Variants in CHRM3 observed in about 807,000 individuals in gnomAD.
CHRM3 encodes cholinergic receptor muscarinic 3.
In CHRM3, 11 loss-of-function variants were observed where a neutral mutation model predicts 41.8. That is an observed-to-expected ratio of 0.26 (90% CI 0.17 to 0.44). The LOEUF (loss-of-function observed/expected upper bound fraction) is 0.44, where lower values mean the gene tolerates loss of function less well. Ranked by LOEUF, CHRM3 falls within the 20% of genes least tolerant of loss-of-function variation. The pLI, the probability that CHRM3 is intolerant of heterozygous loss-of-function variation, is 1.00. For synonymous variants in CHRM3, 297 were observed against 301.4 expected (o/e 0.99, Z 0.15); for missense variants, 571 against 745.4 (o/e 0.77, Z 2.72).
At chr1:239,783,306 G>C (rs1042631744) in intron 5 of CHRM3, among the ~76,000 whole-genome samples, 3 of 151,702 alleles carry the variant, frequency 2.0e-5, no homozygotes, top group African/African-American at 4.8e-5. Context: ...CAATATTTTG[G>C]AAAATTTCTA....
chr1:239,875,238 T>G (rs1308943678), intron 6 of CHRM3, among the ~76,000 whole-genome samples: 1 of 152,182 alleles, frequency 6.6e-6, no homozygotes, highest in Non-Finnish European at 1.5e-5. Flanking sequence ...AGATGGGGGT[T>G]ACACAGAGAG....
At chr1:239,897,861 T>TA (rs1334456782) in intron 6 of CHRM3, among the ~76,000 whole-genome samples, 1 of 152,262 alleles carries the variant, frequency 6.6e-6, no homozygotes, top group African/African-American at 2.4e-5. Flanking sequence ...TTTCAGCAGC[T>TA]ACTGCTACAC....
At chr1:239,412,254 G>C (rs570045602) in intron 1 of CHRM3, among the ~76,000 whole-genome samples, 117 of 118,804 alleles carry the variant, frequency 9.8e-4, no homozygotes, top group African/African-American at 3.8e-3. Context: ...TTTTTTTGTC[G>C]TTCTCCTTCA....
chr1:239,499,276 G>A (rs1204135329), intron 2 of CHRM3, among the ~76,000 whole-genome samples: 2 of 152,124 alleles, frequency 1.3e-5, no homozygotes, highest in African/African-American at 2.4e-5. Context: ...TTCAGCCTGG[G>A]AGAATATTTC....
chr1:239,552,917 AC>A (rs1261771230), intron 3 of CHRM3, among the ~76,000 whole-genome samples: 2 of 152,030 alleles, frequency 1.3e-5, no homozygotes, highest in Admixed American at 6.6e-5. Flanking sequence ...CTATTTTCTA[AC>A]TTTCTTTTTA....
At chr1:239,744,504 C>T in intron 5 of CHRM3, among the ~76,000 whole-genome samples, 1 of 151,962 alleles carries the variant, frequency 6.6e-6, no homozygotes, top group South Asian at 2.1e-4. Flanking sequence ...GGGGAGGGAC[C>T]TTTCAGGTAA....
chr1:239,782,550 G>T (rs1426118367), intron 5 of CHRM3, among the ~76,000 whole-genome samples: 1 of 152,136 alleles, frequency 6.6e-6, no homozygotes, highest in African/African-American at 2.4e-5. Context: ...TCTTTTCAAA[G>T]AACTAGTTTT....
At chr1:239,425,446 A>G (rs1662294027) in intron 1 of CHRM3, among the ~76,000 whole-genome samples, 1 of 152,168 alleles carries the variant, frequency 6.6e-6, no homozygotes, top group African/African-American at 2.4e-5. Flanking sequence ...GTAAAAAAAA[A>G]AACTTCTTCC....
intron 2 of CHRM3, among the ~76,000 whole-genome samples, chr1:239,507,240 A>G (rs1668633452): frequency 6.6e-6 from 1 of 152,174 alleles, no homozygotes; most frequent in African/African-American, 2.4e-5. Flanking sequence ...CCCAAATCTC[A>G]TCTTGAATTC....
At chr1:239,632,568 A>AT (rs956860382) in intron 4 of CHRM3, among the ~76,000 whole-genome samples, 2 of 152,202 alleles carry the variant, frequency 1.3e-5, no homozygotes, top group Non-Finnish European at 2.9e-5. Context: ...GCAATGTGGA[A>AT]TTTTTTGAAA....
At chr1:239,618,978 G>A (rs1272321444) in intron 3 of CHRM3, among the ~76,000 whole-genome samples, 1 of 150,604 alleles carries the variant, frequency 6.6e-6, no homozygotes, top group Non-Finnish European at 1.5e-5. Context: ...GCAGTGGCGG[G>A]ATCTTGGCTC....
chr1:239,898,017 T>TC (rs1679158003), intron 6 of CHRM3: 1 of 152,098 alleles, frequency 6.6e-6, no homozygotes, highest in Non-Finnish European at 1.5e-5. Context: ...AAAAAAAAAT[T>TC]CCCCTTTTTA....
chr1:239,902,469 A>T (rs1679655645), intron 6 of CHRM3, among the ~76,000 whole-genome samples: 1 of 152,188 alleles, frequency 6.6e-6, no homozygotes, highest in African/African-American at 2.4e-5. Context: ...TAATAAAAAA[A>T]ATTAATGACG....
At chr1:239,888,678 T>C (rs1391682345) in intron 6 of CHRM3, among the ~76,000 whole-genome samples, 7 of 151,844 alleles carry the variant, frequency 4.6e-5, no homozygotes, top group Non-Finnish European at 7.4e-5. Flanking sequence ...TCTGATGCAA[T>C]TGCCCGATGC....
chr1:239,658,677 T>A (rs1009467402), intron 4 of CHRM3, among the ~76,000 whole-genome samples: 1 of 152,080 alleles, frequency 6.6e-6, no homozygotes, highest in Admixed American at 6.5e-5. Context: ...AGCTGAAGAG[T>A]CATGAAAAGC....
chr1:239,856,123 CTA>C (rs1241965791), intron 6 of CHRM3, among the ~76,000 whole-genome samples: 2 of 152,048 alleles, frequency 1.3e-5, no homozygotes, highest in African/African-American at 4.8e-5. Flanking sequence ...TGTCCTATCT[CTA>C]TGTTCACATC....
At chr1:239,463,999 A>C (rs1391123845) in intron 1 of CHRM3, among the ~76,000 whole-genome samples, 1 of 152,182 alleles carries the variant, frequency 6.6e-6, no homozygotes, top group Non-Finnish European at 1.5e-5. Context: ...GTTCTCGGCC[A>C]GGCATGGTGG....
At chr1:239,767,654 A>G (rs375275909) in intron 5 of CHRM3, among the ~76,000 whole-genome samples, 3 of 152,218 alleles carry the variant, frequency 2.0e-5, no homozygotes, top group Admixed American at 2.0e-4. Flanking sequence ...CCTAATATAA[A>G]TTGTAGTTTA....
intron 5 of CHRM3, among the ~76,000 whole-genome samples, chr1:239,794,531 G>A (rs1669612444): frequency 6.6e-6 from 1 of 152,072 alleles, no homozygotes; most frequent in Non-Finnish European, 1.5e-5. Flanking sequence ...TGGTAACCAG[G>A]AAACTGTTAC....
Sources: gnomAD v4.1 joint callset for allele counts (sites outside exome capture counted in the v4.1 genomes callset) on GRCh38, gnomAD v4.1.1 for gene constraint, MANE v1.5 for transcripts, NCBI Gene and HGNC (gene_info 2026-07-23, HGNC 2026-07-21) for gene names.